The following PCDH15 variants were observed in gnomAD, a reference collection of about 807,000 sequenced individuals.
The protein encoded by PCDH15 is protocadherin-15.
A neutral mutation model predicts 178.5 loss-of-function variants in PCDH15; 129 were observed. The ratio of observed to expected loss-of-function variants is 0.72; its 90% CI spans 0.63 to 0.84. The LOEUF is 0.84. Ranked by LOEUF, PCDH15 falls within the 40% of genes least tolerant of loss-of-function variation. PCDH15 has a pLI of 0.00. For missense variants in PCDH15, 2,230 were observed against 2,099.9 expected (o/e 1.06, Z -1.21); for synonymous variants, 800 against 732.0 (o/e 1.09, Z -1.50).
intron 1 of PCDH15, among the ~76,000 whole-genome samples, chr10:55,188,814 A>G (rs766306582): frequency 2.0e-5 from 3 of 151,860 alleles, no homozygotes; most frequent in Non-Finnish European, 1.5e-5. Flanking sequence ...TATTATTTCA[A>G]TGTAAATATT....
chr10:55,159,396 T>C (rs1238293327), intron 2 of PCDH15, among the ~76,000 whole-genome samples: 1 of 144,678 alleles, frequency 6.9e-6, no homozygotes, highest in African/African-American at 2.6e-5. Context: ...TATACACACA[T>C]ACACATTATA....
At chr10:54,718,354 A>G (rs1206915381) in intron 1 of PCDH15, among the ~76,000 whole-genome samples, 1 of 152,134 alleles carries the variant, frequency 6.6e-6, no homozygotes, top group Non-Finnish European at 1.5e-5. Context: ...GATCTCCATG[A>G]TTCCAGTCCA....
intron 8 of PCDH15, among the ~76,000 whole-genome samples, chr10:54,242,255 A>C (rs2055480923): frequency 2.0e-5 from 3 of 147,180 alleles, no homozygotes; most frequent in African/African-American, 7.5e-5. Context: ...ATCCCAAAAG[A>C]TTAAGAAGCC....
chr10:53,955,847 T>C (rs2087559817), intron 23 of PCDH15, among the ~76,000 whole-genome samples: 1 of 152,122 alleles, frequency 6.6e-6, no homozygotes, highest in South Asian at 2.1e-4. Flanking sequence ...TTGAAAAAAT[T>C]AGAGAAGAAT....
intron 2 of PCDH15, among the ~76,000 whole-genome samples, chr10:55,479,258 C>G (rs1391057101): frequency 2.0e-5 from 3 of 151,480 alleles, no homozygotes; most frequent in African/African-American, 7.3e-5. Context: ...TCCAAGCCAA[C>G]TAAATCCAAG....
chr10:53,840,499 A>C lies in PCDH15; in HGVS notation c.3807-3T>G, dbSNP rs1354055447. On this transcript the variant is annotated splice_region_variant and splice_polypyrimidine_tract_variant and intron_variant, in intron 28 of 37. Coordinates refer to ENST00000644397, the MANE Select transcript of PCDH15 (RefSeq NM_001384140.1). ...CCTGAACATAGCGATCCAAGATCCT[A>C]TAAATCAAACAAAGTACAAACATGA... 3 of 1,613,278 alleles carry C rather than the reference A, an allele frequency of 1.9e-6. No homozygotes were observed. The highest frequency in any genetic ancestry group is 2.5e-6 in the Non-Finnish European group (3 of 1,179,310).
At chr10:55,119,550 T>C (rs1210277368) in intron 2 of PCDH15, among the ~76,000 whole-genome samples, 2 of 149,550 alleles carry the variant, frequency 1.3e-5, no homozygotes, top group Non-Finnish European at 2.9e-5. Context: ...AGGCAGGGTA[T>C]TGCATATTCC....
chr10:54,246,194 T>C (rs1302903010), intron 8 of PCDH15, among the ~76,000 whole-genome samples: 1 of 151,936 alleles, frequency 6.6e-6, no homozygotes, highest in Non-Finnish European at 1.5e-5. Context: ...TGAGATACCT[T>C]CCTAAATCAT....
At chr10:55,214,418 T>C (rs1840648398) in intron 1 of PCDH15, among the ~76,000 whole-genome samples, 1 of 152,006 alleles carries the variant, frequency 6.6e-6, no homozygotes, top group African/African-American at 2.4e-5. Context: ...TCTTTATGTA[T>C]ATGGAAAATT....
intron 1 of PCDH15, among the ~76,000 whole-genome samples, chr10:55,196,273 C>T (rs1840091181): frequency 6.6e-6 from 1 of 152,036 alleles, no homozygotes; most frequent in Non-Finnish European, 1.5e-5. Flanking sequence ...GAGTAGGTAA[C>T]ATAGTATTAC....
At chr10:54,477,809 C>T (rs924581937) in intron 3 of PCDH15, among the ~76,000 whole-genome samples, 2 of 152,032 alleles carry the variant, frequency 1.3e-5, no homozygotes, top group Non-Finnish European at 2.9e-5. Flanking sequence ...TCTCAAACTC[C>T]TGAGCTCAAG....
intron 8 of PCDH15, among the ~76,000 whole-genome samples, chr10:54,250,113 G>A (rs1484613517): frequency 7.4e-6 from 1 of 134,522 alleles, no homozygotes; most frequent in African/African-American, 3.0e-5. Flanking sequence ...TCACCATTTT[G>A]CCCAGGCTGG....
At chr10:54,369,352 T>C (rs1224546418) in intron 4 of PCDH15, 77 bp from the exon 5 acceptor site, 3 of 1,276,634 alleles carry the variant, frequency 2.3e-6, no homozygotes, top group Admixed American at 1.9e-5. Flanking sequence ...CACTCGTTCA[T>C]TCAGTACATT....
chr10:54,727,380 A>G (rs1685410993), intron 1 of PCDH15, among the ~76,000 whole-genome samples: 1 of 151,626 alleles, frequency 6.6e-6, no homozygotes. Flanking sequence ...TAAAGCAGAA[A>G]ACAAGAAATT....
intron 1 of PCDH15, among the ~76,000 whole-genome samples, chr10:55,170,259 C>G (rs1678670575): frequency 6.6e-6 from 1 of 152,078 alleles, no homozygotes; most frequent in Non-Finnish European, 1.5e-5. Context: ...AAGCAATCCT[C>G]CTGCCTCAGC....
intron 2 of PCDH15, among the ~76,000 whole-genome samples, chr10:55,606,689 G>A: frequency 6.8e-6 from 1 of 147,436 alleles, no homozygotes; most frequent in African/African-American, 2.5e-5. Context: ...AAACTGGCTA[G>A]CCATATGTAG....
At chr10:54,487,799 G>A (rs2079224521) in intron 3 of PCDH15, among the ~76,000 whole-genome samples, 1 of 151,784 alleles carries the variant, frequency 6.6e-6, no homozygotes, top group Admixed American at 6.6e-5. Flanking sequence ...TAAATAATAT[G>A]GTTTTGTAGG....
chr10:54,257,049 TTAGATAGA>T (rs10569518), intron 8 of PCDH15, among the ~76,000 whole-genome samples: 2,810 of 149,496 alleles, frequency 0.019, 36 homozygotes, highest in African/African-American at 0.023. Flanking sequence ...TCTCGATAGA[TTAGATAGA>T]TAGATAGATA....
At chr10:55,586,344 G>C (rs2132126313) in intron 2 of PCDH15, among the ~76,000 whole-genome samples, 1 of 151,872 alleles carries the variant, frequency 6.6e-6, no homozygotes, top group East Asian at 1.9e-4. Flanking sequence ...TAAATAATTT[G>C]ATTAAAGACC....
Sources: gnomAD v4.1 joint callset for allele counts (sites outside exome capture counted in the v4.1 genomes callset) on GRCh38, gnomAD v4.1.1 for gene constraint, MANE v1.5 for transcripts, NCBI Gene and HGNC (gene_info 2026-07-23, HGNC 2026-07-21) for gene names.